HMGCLL1: variants seen among roughly 807,000 people sequenced by gnomAD.
The protein encoded by HMGCLL1 is 3-hydroxymethyl-3-methylglutaryl-CoA lyase, cytoplasmic.
HMGCLL1 carries 36 observed loss-of-function variants against 39.1 expected under a neutral mutation model. That is an observed-to-expected ratio of 0.92 (90% CI 0.71 to 1.22). HMGCLL1 has a LOEUF of 1.22. Ranked by LOEUF, HMGCLL1 falls within the 50% of genes most tolerant of loss-of-function variation. The probability of loss-of-function intolerance (pLI) is 0.00; values close to 1 mark genes in which losing one functional copy is unlikely to be tolerated. For synonymous variants in HMGCLL1, 149 were observed against 144.0 expected (o/e 1.03, Z -0.25); for missense variants, 451 against 416.5 (o/e 1.08, Z -0.72).
the HMGCLL1 span, among the ~76,000 whole-genome samples, chr6:55,619,779 T>C: frequency 1.3e-5 from 2 of 152,238 alleles, no homozygotes. Flanking sequence ...TGCTATCAAA[T>C]AGTAGATCTT....
At chr6:55,627,743 T>C in the HMGCLL1 span, among the ~76,000 whole-genome samples, 1 of 146,920 alleles carries the variant, frequency 6.8e-6, no homozygotes, top group Admixed American at 7.2e-5. Flanking sequence ...TCTCTTGTGC[T>C]GGATGCTTCC....
intron 7 of HMGCLL1, among the ~76,000 whole-genome samples, chr6:55,480,769 G>C (rs529972298): frequency 1.3e-5 from 2 of 149,698 alleles, no homozygotes; most frequent in Non-Finnish European, 2.9e-5. Context: ...AGATAATGTG[G>C]TGTATAGACA....
At chr6:55,452,152 C>T (rs895670947) in intron 7 of HMGCLL1, among the ~76,000 whole-genome samples, 2 of 152,074 alleles carry the variant, frequency 1.3e-5, no homozygotes, top group African/African-American at 4.8e-5. Context: ...AATAAAGGAA[C>T]ATTTGAGTGG....
At chr6:55,676,932 C>T in the HMGCLL1 span, among the ~76,000 whole-genome samples, 1 of 152,160 alleles carries the variant, frequency 6.6e-6, no homozygotes, top group East Asian at 1.9e-4. Context: ...CACTTGGGGC[C>T]TATTTATTAC....
At chr6:55,655,535 G>GATA in the HMGCLL1 span, among the ~76,000 whole-genome samples, 1 of 126,172 alleles carries the variant, frequency 7.9e-6, no homozygotes, top group Non-Finnish European at 1.7e-5. Flanking sequence ...TAGTTATATT[G>GATA]GTAGATAGAT....
intron 3 of HMGCLL1, among the ~76,000 whole-genome samples, chr6:55,536,589 T>C (rs1418349973): frequency 6.6e-6 from 1 of 152,234 alleles, no homozygotes; most frequent in Non-Finnish European, 1.5e-5. Context: ...CTGCTATTGT[T>C]CATTCCATCT....
chr6:55,661,949 C>T, the HMGCLL1 span, among the ~76,000 whole-genome samples: 765 of 151,800 alleles, frequency 5.0e-3, 7 homozygotes, highest in Middle Eastern at 0.014. Flanking sequence ...TAGCTGCATT[C>T]GTAGGTATAT....
chr6:55,498,962 C>A (rs1766726460), intron 6 of HMGCLL1, among the ~76,000 whole-genome samples: 1 of 151,860 alleles, frequency 6.6e-6, no homozygotes, highest in Non-Finnish European at 1.5e-5. Flanking sequence ...GTTATAGCCA[C>A]AAAAAAACAA....
At chr6:55,650,134 T>TATATATATAC in the HMGCLL1 span, among the ~76,000 whole-genome samples, 3 of 53,324 alleles carry the variant, frequency 5.6e-5, no homozygotes, top group African/African-American at 6.7e-5. Flanking sequence ...TATATATATA[T>TATATATATAC]ACACACACAC....
chr6:55,640,004 G>A, the HMGCLL1 span, among the ~76,000 whole-genome samples: 3 of 152,174 alleles, frequency 2.0e-5, no homozygotes, highest in Admixed American at 2.0e-4. Context: ...CTTGAACTCG[G>A]GAGGCGGAGG....
rs568565087 is a variant in HMGCLL1 at position 55,452,407 on chromosome 6, G to C, written c.796-12848C>G. On this transcript the variant is annotated intron_variant, in intron 7 of 8. Transcript: ENST00000274901. The stretch of plus-strand genomic sequence containing the variant: ...ACCAGTAACTTTTTCCATGAATAAC[G>C]GAGAGCAGAGAAATTCAATCTCTAG... Among the ~76,000 whole-genome samples, 4 of 151,658 alleles carry C rather than the reference G, an allele frequency of 2.6e-5. No individual in the cohort carries two copies. The East Asian group carries it at 5.8e-4, about 22-fold the overall frequency.
At chr6:55,554,027 G>C (rs1464461228) in intron 1 of HMGCLL1, among the ~76,000 whole-genome samples, 2 of 152,052 alleles carry the variant, frequency 1.3e-5, no homozygotes, top group African/African-American at 4.8e-5. Flanking sequence ...GTCAACCTCA[G>C]TTTGAACCTT....
At chr6:55,505,512 C>A (rs1767110536) in intron 5 of HMGCLL1, among the ~76,000 whole-genome samples, 1 of 151,620 alleles carries the variant, frequency 6.6e-6, no homozygotes, top group Admixed American at 6.6e-5. Flanking sequence ...GCCTGTAATG[C>A]ATTTATTATT....
intron 7 of HMGCLL1, among the ~76,000 whole-genome samples, chr6:55,487,749 T>A (rs1396880020): frequency 6.6e-6 from 1 of 152,046 alleles, no homozygotes; most frequent in Non-Finnish European, 1.5e-5. Context: ...AAATTTAGAT[T>A]AAGTTCTCTA....
the HMGCLL1 span, among the ~76,000 whole-genome samples, chr6:55,604,804 C>T: frequency 0.21 from 31,560 of 151,998 alleles, 3,692 homozygotes; most frequent in African/African-American, 0.31. Flanking sequence ...TATGTTAGTA[C>T]TTCATAATCC....
At chr6:55,574,555 G>A (rs1254167427) in intron 1 of HMGCLL1, among the ~76,000 whole-genome samples, 1 of 151,792 alleles carries the variant, frequency 6.6e-6, no homozygotes, top group Middle Eastern at 3.2e-3. Flanking sequence ...AATTCAGGGG[G>A]AAAATGAGAA....
At chr6:55,510,072 C>A (rs1767363887) in intron 5 of HMGCLL1, among the ~76,000 whole-genome samples, 1 of 151,870 alleles carries the variant, frequency 6.6e-6, no homozygotes, top group African/African-American at 2.4e-5. Context: ...CAACCAGTTA[C>A]AATTCACAGA....
chr6:55,649,498 A>T, the HMGCLL1 span, among the ~76,000 whole-genome samples: 1 of 149,142 alleles, frequency 6.7e-6, no homozygotes, highest in Non-Finnish European at 1.5e-5. Flanking sequence ...TGCTGCTGTT[A>T]GGATCCTTTC....
chr6:55,451,045 G>A (rs562305158), intron 7 of HMGCLL1, among the ~76,000 whole-genome samples: 2 of 152,188 alleles, frequency 1.3e-5, no homozygotes, highest in Middle Eastern at 3.4e-3. Context: ...ACTCAGCCAG[G>A]CCCTGCTCTC....
Sources: allele counts gnomAD v4.1 joint callset (sites outside exome capture counted in the v4.1 genomes callset), GRCh38; gene constraint gnomAD v4.1.1; transcripts MANE v1.5; gene names NCBI Gene and HGNC (gene_info 2026-07-23, HGNC 2026-07-21).